Variants in SERPINI1 observed in about 807,000 individuals in gnomAD.
SERPINI1 encodes the protein serpin family I member 1.
A neutral mutation model predicts 41.1 loss-of-function variants in SERPINI1; 19 were observed. That is an observed-to-expected ratio of 0.46 (90% CI 0.32 to 0.68). The LOEUF is 0.68. SERPINI1 is among the 30% of genes least tolerant of loss of function. The probability of loss-of-function intolerance (pLI) is 0.03; values close to 1 mark genes in which losing one functional copy is unlikely to be tolerated. For missense variants in SERPINI1, 460 were observed against 479.2 expected (o/e 0.96, Z 0.37); for synonymous variants, 138 against 156.6 (o/e 0.88, Z 0.89).
At chr3:167,765,708 T>A (rs954558467) in intron 1 of SERPINI1, among the ~76,000 whole-genome samples, 39 of 152,314 alleles carry the variant, frequency 2.6e-4, no homozygotes, top group African/African-American at 9.1e-4. Context: ...AGGCTGCAAA[T>A]TTTCTGAACT....
chr3:167,754,601 C>T (rs568051779), intron 1 of SERPINI1, among the ~76,000 whole-genome samples: 5 of 152,282 alleles, frequency 3.3e-5, no homozygotes, highest in East Asian at 1.9e-4. Context: ...TGAATTTTCA[C>T]GTCCTTGGAA....
intron 4 of SERPINI1, among the ~76,000 whole-genome samples, chr3:167,793,596 A>ATTTT (rs141371005): frequency 7.0e-4 from 98 of 140,612 alleles, no homozygotes; most frequent in African/African-American, 2.3e-3. Context: ...ATATATATAT[A>ATTTT]TTTTTAATTA....
intron 6 of SERPINI1, among the ~76,000 whole-genome samples, chr3:167,814,919 G>A (rs1048673599): frequency 6.6e-6 from 1 of 152,160 alleles, no homozygotes. Flanking sequence ...GGAAAAGGCT[G>A]CTTGGTGCCA....
intron 5 of SERPINI1, among the ~76,000 whole-genome samples, chr3:167,797,040 A>G (rs1727739909): frequency 6.6e-6 from 1 of 152,140 alleles, no homozygotes; most frequent in Non-Finnish European, 1.5e-5. Flanking sequence ...TTGACTTTTT[A>G]ATAATTGCCA....
chr3:167,772,330 C>T (rs1726783884), intron 1 of SERPINI1, among the ~76,000 whole-genome samples: 1 of 152,060 alleles, frequency 6.6e-6, no homozygotes, highest in African/African-American at 2.4e-5. Flanking sequence ...TAACAATTCT[C>T]TAGATCTTTT....
chr3:167,768,827 G>T (rs189567299), intron 1 of SERPINI1, among the ~76,000 whole-genome samples: 2 of 152,324 alleles, frequency 1.3e-5, no homozygotes, highest in Admixed American at 6.5e-5. Context: ...ACCATGATCC[G>T]CATAGGAAAT....
rs1725812189 is a variant in SERPINI1 at position 167,744,826 on chromosome 3, TAA to T, written c.-19+9004_-19+9005del. Among the ~76,000 whole-genome samples, 6 of 119,782 alleles carry T rather than the reference TAA, an allele frequency of 5.0e-5. 1 individual carries two copies. In the South Asian group the frequency reaches 9.5e-4, roughly 19 times the overall value. The allele number at this position is 119,782 out of a possible 152,430, so 78.6% of individuals were successfully genotyped here. On this transcript the variant is annotated intron_variant, in intron 1 of 8. Transcript: ENST00000446050. ...TAATATATAAATATAGTTATATATA[TAA>T]TATATATATTATATATAACTATAGT...
chr3:167,814,926 G>A (rs1183148209), intron 6 of SERPINI1, among the ~76,000 whole-genome samples: 3 of 152,166 alleles, frequency 2.0e-5, no homozygotes, highest in Non-Finnish European at 4.4e-5. Flanking sequence ...GCTGCTTGGT[G>A]CCAGCAGATT....
At chr3:167,776,438 T>C (rs1032458004) in intron 1 of SERPINI1, among the ~76,000 whole-genome samples, 2 of 152,224 alleles carry the variant, frequency 1.3e-5, no homozygotes, top group Non-Finnish European at 2.9e-5. Flanking sequence ...CCCCAGGCTT[T>C]TAACCAAAAG....
chr3:167,820,905 G>A (rs752982057), intron 6 of SERPINI1, among the ~76,000 whole-genome samples: 4 of 152,150 alleles, frequency 2.6e-5, no homozygotes, highest in Non-Finnish European at 5.9e-5. Flanking sequence ...GGATCAATCA[G>A]CACATACTTC....
intron 6 of SERPINI1, among the ~76,000 whole-genome samples, chr3:167,817,324 T>A (rs866025592): frequency 3.3e-5 from 5 of 152,142 alleles, no homozygotes; most frequent in South Asian, 2.1e-4. Context: ...ATTGTTGGGT[T>A]TTTTTCATTT....
chr3:167,816,881 C>T (rs376947805), intron 6 of SERPINI1, among the ~76,000 whole-genome samples: 3 of 151,912 alleles, frequency 2.0e-5, no homozygotes, highest in South Asian at 4.1e-4. Flanking sequence ...AATGACAAAG[C>T]GTGCTATGTT....
At chr3:167,753,702 G>C (rs1726113459) in intron 1 of SERPINI1, among the ~76,000 whole-genome samples, 2 of 152,064 alleles carry the variant, frequency 1.3e-5, no homozygotes, top group South Asian at 2.1e-4. Flanking sequence ...ATATTCCTCA[G>C]GTGTGCTAAA....
intron 1 of SERPINI1, among the ~76,000 whole-genome samples, chr3:167,762,843 G>C (rs1161350152): frequency 1.3e-5 from 2 of 151,706 alleles, no homozygotes; most frequent in African/African-American, 4.8e-5. Flanking sequence ...ATTCCTTACA[G>C]AGGTTTTTGA....
At chr3:167,758,991 T>C (rs1204722683) in intron 1 of SERPINI1, among the ~76,000 whole-genome samples, 2 of 152,162 alleles carry the variant, frequency 1.3e-5, no homozygotes, top group Non-Finnish European at 2.9e-5. Context: ...GCTTAAGAGA[T>C]ACAGATGTTT....
chr3:167,812,555 A>G (rs1244601065), intron 6 of SERPINI1, among the ~76,000 whole-genome samples: 2 of 152,208 alleles, frequency 1.3e-5, no homozygotes, highest in Admixed American at 6.5e-5. Context: ...TTTATGGCAC[A>G]TATATCTTTT....
At chr3:167,744,772 T>TATAACCATAGTTATATATA (rs1254448343) in intron 1 of SERPINI1, among the ~76,000 whole-genome samples, 3 of 70,418 alleles carry the variant, frequency 4.3e-5, no homozygotes, top group Non-Finnish European at 9.2e-5. Flanking sequence ...TAAATATATA[T>TATAACCATAGTTATATATA]TATATATAAC....
At position 167,807,319 on chromosome 3, in the gene SERPINI1, T is replaced by C. The variant is rs1711682457; in HGVS notation, c.957T>C (p.Asp319=). ...GAATAACTGAAATTTTCATCAAAGA[T>C]GCAAATTTGACAGGCCTCTCTGGTA... ...ALGITEIFIK[D]ANLTGLSDNK... Residue 319 remains aspartate (D), a synonymous_variant, in exon 6 of 9, where the codon GAT becomes GAC. Coordinates refer to ENST00000446050, the MANE Select transcript of SERPINI1 (RefSeq NM_001122752.2). 7 of 1,610,674 alleles carry C rather than the reference T, an allele frequency of 4.3e-6. No homozygotes were observed. Among genetic ancestry groups the C allele is most frequent in the Non-Finnish European group, 5.9e-6 (7 of 1,177,320 alleles).
At chr3:167,738,021 A>G (rs1400586639) in intron 1 of SERPINI1, among the ~76,000 whole-genome samples, 2 of 152,114 alleles carry the variant, frequency 1.3e-5, no homozygotes, top group African/African-American at 4.8e-5. Context: ...TTTATTTTTT[A>G]CCTTGCACTC....
Sources: allele counts gnomAD v4.1 joint callset (sites outside exome capture counted in the v4.1 genomes callset), GRCh38; gene constraint gnomAD v4.1.1; transcripts MANE v1.5; gene names NCBI Gene and HGNC (gene_info 2026-07-23, HGNC 2026-07-21).